Variants in RDX observed in about 807,000 individuals in gnomAD.
RDX encodes radixin, also known as deafness, autosomal recessive 24.
A neutral mutation model predicts 83.7 loss-of-function variants in RDX; 32 were observed. That is an observed-to-expected ratio of 0.38 (90% CI 0.29 to 0.51). RDX has a LOEUF of 0.51. RDX is among the 20% of genes least tolerant of loss of function. The pLI, the probability that RDX is intolerant of heterozygous loss-of-function variation, is 0.87. For missense variants in RDX, 600 were observed against 689.9 expected (o/e 0.87, Z 1.46); for synonymous variants, 229 against 222.7 (o/e 1.03, Z -0.25).
chr11:110,270,357 T>C (rs1359526690), intron 3 of RDX, among the ~76,000 whole-genome samples: 2 of 152,180 alleles, frequency 1.3e-5, no homozygotes, highest in African/African-American at 4.8e-5. Flanking sequence ...TGTTAAGTAT[T>C]TGTGTATTTA....
rs34471100 is a variant in RDX, at chr11:110,233,356, C to T, written c.1468G>A (p.Asp490Asn). The T allele has an allele frequency of 1.6e-4, 256 of 1,614,150 alleles. No individual in the cohort carries two copies. In the African/African-American group the frequency reaches 2.9e-3, roughly 18 times the overall value. ...PPTENEHDEH[D>N]ENNAEASAEL... ...GCACTAGCTTCAGCATTATTCTCAT[C>T]GTGTTCATCATGTTCGTTTTCTGTT... is the stretch of plus-strand genomic sequence containing the variant. Residue 490 changes from aspartate to asparagine, a missense_variant, in exon 13 of 14, where the codon GAT becomes AAT. Physicochemically the swap from Asp to Asn is conservative, Grantham distance 23. Transcript: ENST00000645495.
At chr11:110,211,378 A>C (rs1245291218) in intron 14 of RDX, among the ~76,000 whole-genome samples, 1 of 151,508 alleles carries the variant, frequency 6.6e-6, no homozygotes, top group African/African-American at 2.4e-5. Flanking sequence ...CCCACACATT[A>C]ATAATGGGAG....
chr11:110,250,263 G>C (rs1255928301), intron 9 of RDX, among the ~76,000 whole-genome samples: 4 of 152,184 alleles, frequency 2.6e-5, no homozygotes, highest in Non-Finnish European at 5.9e-5. Flanking sequence ...AGCAAAAGAA[G>C]CAAAAGCACA....
intron 1 of RDX, among the ~76,000 whole-genome samples, chr11:110,296,248 C>T (rs1486571707): frequency 6.6e-6 from 1 of 152,062 alleles, no homozygotes; most frequent in Non-Finnish European, 1.5e-5. Flanking sequence ...ACGACTCGGG[C>T]AGGGCCTCGC....
chr11:110,289,807 C>T (rs546843861), intron 1 of RDX, among the ~76,000 whole-genome samples: 14 of 150,564 alleles, frequency 9.3e-5, no homozygotes, highest in South Asian at 2.1e-4. Flanking sequence ...ATTAGTCAGA[C>T]GTGGTGACCT....
At chr11:110,216,847 C>T (rs150372164) in intron 14 of RDX, among the ~76,000 whole-genome samples, 151 of 152,254 alleles carry the variant, frequency 9.9e-4, no homozygotes, top group African/African-American at 3.4e-3. Flanking sequence ...AAAGACTTCA[C>T]ATAAAAATTA....
chr11:110,224,843 A>T (rs1565300739), downstream of RDX, among the ~76,000 whole-genome samples: 1 of 152,198 alleles, frequency 6.6e-6, no homozygotes, highest in East Asian at 1.9e-4. Flanking sequence ...CAGTAGACAT[A>T]GCTCTTCTAT....
chr11:110,270,893 T>G (rs904743425), intron 3 of RDX, among the ~76,000 whole-genome samples: 1 of 152,224 alleles, frequency 6.6e-6, no homozygotes, highest in Non-Finnish European at 1.5e-5. Context: ...ACATTTCAAT[T>G]TGCTATGAAG....
chr11:110,223,608 G>A (rs1362176980), intron 14 of RDX, among the ~76,000 whole-genome samples: 2 of 152,000 alleles, frequency 1.3e-5, no homozygotes, highest in African/African-American at 2.4e-5. Flanking sequence ...TTATCTACCT[G>A]TATTTGAAAA....
intron 10 of RDX, among the ~76,000 whole-genome samples, chr11:110,244,524 G>C (rs1865231975): frequency 6.6e-6 from 1 of 152,120 alleles, no homozygotes; most frequent in Admixed American, 6.6e-5. Context: ...CAAAACTTTA[G>C]AGAAAGATTC....
chr11:110,209,572 A>C (rs1379739664), intron 14 of RDX, among the ~76,000 whole-genome samples: 1 of 151,982 alleles, frequency 6.6e-6, no homozygotes, highest in Admixed American at 6.5e-5. Flanking sequence ...TAACCTCTGC[A>C]GACTTAAATG....
intron 1 of RDX, among the ~76,000 whole-genome samples, chr11:110,286,661 C>CAAAA (rs1860992451): frequency 1.3e-5 from 2 of 152,278 alleles, no homozygotes; most frequent in African/African-American, 2.4e-5. Flanking sequence ...TCTGCCTTTT[C>CAAAA]GGACTTAGAA....
chr11:110,257,947 G>A, intron 6 of RDX, 34 bp from the exon 7 acceptor site: 3 of 1,595,482 alleles, frequency 1.9e-6, no homozygotes, highest in South Asian at 1.1e-5. Context: ...ATATATTTAA[G>A]TAGGAGCATA....
At position 110,274,796 on chromosome 11, in the gene RDX, CCAAA is replaced by C. The variant is rs551905286; in HGVS notation, c.13-2181_13-2178del. Among the ~76,000 whole-genome samples the C allele has an allele frequency of 7.2e-4, 110 of 152,270 alleles. No individual in the cohort carries two copies. The South Asian group carries it at 9.1e-3, about 13-fold the overall frequency. On this transcript the variant is annotated intron_variant, in intron 2 of 13. Coordinates refer to ENST00000645495, the MANE Select transcript of RDX (RefSeq NM_002906.4). ...CTGCTATGCAACATTCTGCATGTGGCCAAACAAACATTTACTCACCCATTTTCCT... is the reference window on the plus strand; with the variant it reads ...CTGCTATGCAACATTCTGCATGTGGCCAAACATTTACTCACCCATTTTCCT...
At position 110,231,667 on chromosome 11, in the gene RDX, C is replaced by G. The variant is rs770941392; in HGVS notation, c.*202G>C. ...GGAACACCATTCTCCATTCCCTGGA[C>G]CAAAAGAAAAAAGAAAACCAAGCAT... On this transcript the variant is annotated 3_prime_UTR_variant, in exon 14 of 14. Transcript: ENST00000645495. The G allele has an allele frequency of 9.6e-5, 59 of 613,876 alleles. No individual in the cohort carries two copies. Among genetic ancestry groups the G allele is most frequent in the Non-Finnish European group, 1.6e-4 (54 of 345,038 alleles). 38.0% of individuals were successfully genotyped at this position (613,876 alleles called of 1,614,324 possible). A position where few individuals can be genotyped will look rare whatever the true frequency, so the allele number is the denominator to read the frequency against.
At chr11:110,194,594 A>G (rs924966160) in intron 15 of RDX, among the ~76,000 whole-genome samples, 2 of 152,166 alleles carry the variant, frequency 1.3e-5, no homozygotes, top group African/African-American at 2.4e-5. Flanking sequence ...TCCACTTATA[A>G]TCAAGGAGAG....
intron 10 of RDX, among the ~76,000 whole-genome samples, chr11:110,241,166 T>A (rs1013997955): frequency 2.6e-5 from 4 of 152,138 alleles, no homozygotes; most frequent in Non-Finnish European, 5.9e-5. Flanking sequence ...TCTATGTGGC[T>A]ATTTGGCTAT....
chr11:110,290,586 CTGAG>C (rs369823506), intron 1 of RDX, among the ~76,000 whole-genome samples: 10 of 152,096 alleles, frequency 6.6e-5, no homozygotes, highest in African/African-American at 2.2e-4. Flanking sequence ...GTGAGAACTC[CTGAG>C]TATTTTACTC....
chr11:110,264,222 C>T lies in RDX; in HGVS notation c.205G>A (p.Asp69Asn). 1.2e-6 allele frequency: 2 copies of T among 1,604,820 alleles called. No individual in the cohort carries two copies. The highest frequency in any genetic ancestry group is 1.1e-5 in the South Asian group (1 of 89,438). The change falls in exon 5 of 14, where the codon GAT becomes AAT. Residue 69 changes from aspartate to asparagine, a missense_variant. Asp to Asn is a conservative substitution (Grantham distance 23, BLOSUM62 1). Transcript: ENST00000645495. ...TGTAAAGGATTCTCTTTTTTAACAT[C>T]CTGCTGTGTTACCTGGAAAAATAAT... The part of the protein sequence containing the change: ...LKLNKKVTQQ[D>N]VKKENPLQFK...
Sources: allele counts gnomAD v4.1 joint callset (sites outside exome capture counted in the v4.1 genomes callset), GRCh38; gene constraint gnomAD v4.1.1; transcripts MANE v1.5; gene names NCBI Gene and HGNC (gene_info 2026-07-23, HGNC 2026-07-21).